The following PHRF1 variants were observed in gnomAD, a reference collection of about 807,000 sequenced individuals.
PHRF1 encodes PHD and RING finger domain-containing protein 1.
Under a neutral mutation model 128.9 loss-of-function variants are expected in PHRF1, and 53 were observed. The ratio of observed to expected loss-of-function variants is 0.41; its 90% CI spans 0.33 to 0.52. The LOEUF is 0.52. Among genes scored for constraint, PHRF1 ranks in the 20% least tolerant of loss-of-function variants. The pLI is 0.21. For synonymous variants in PHRF1, 1,178 were observed against 980.6 expected, an observed-to-expected ratio of 1.20 and a Z score of -3.76; for missense variants, 2,503 against 2,284.5, an observed-to-expected ratio of 1.10 and a Z score of -1.95.
In PHRF1 at chr11:597,646, AGGGGC is replaced by A; in HGVS notation, c.894+78_894+82del. The A allele has an allele frequency of 7.6e-6, 5 of 653,926 alleles. No homozygotes were observed. Among genetic ancestry groups the A allele is most frequent in the South Asian group, 3.2e-5 (2 of 62,174 alleles). The allele number at this position is 653,926 out of a possible 1,614,324, so 40.5% of individuals were successfully genotyped here. On this transcript the variant is annotated intron_variant, in intron 8 of 17. Coordinates refer to ENST00000264555, the MANE Select transcript of PHRF1 (RefSeq NM_001286581.2). This position sits in a 1 kb window ranked among gnomAD's most constrained non-coding sequence, Gnocchi z 6.5. ...GATCTCGGCAGTCTGGGTGGGTGGGAGGGGCGTCGTCGGCACTGTGGGGTCCGCCC... is the reference window on the plus strand; with the variant it reads ...GATCTCGGCAGTCTGGGTGGGTGGGAGTCGTCGGCACTGTGGGGTCCGCCC...
intron 5 of PHRF1, among the ~76,000 whole-genome samples, chr11:592,195 G>A (rs1855011167): frequency 1.3e-5 from 2 of 151,436 alleles, no homozygotes; most frequent in African/African-American, 2.4e-5. Flanking sequence ...GATTACAGGC[G>A]TGAGCCAACG....
At chr11:583,323 C>T (rs893233148) in intron 3 of PHRF1, among the ~76,000 whole-genome samples, 7 of 151,908 alleles carry the variant, frequency 4.6e-5, no homozygotes, top group Admixed American at 1.3e-4. Flanking sequence ...GGCAACAGAG[C>T]GAGACTCTGT....
Position 607,870 on chromosome 11 carries a change from A to T in PHRF1, c.2414A>T (p.Asp805Val), listed in dbSNP as rs1337146063. The change falls in exon 14 of 18, where the codon GAT becomes GTT. Residue 805 changes from aspartate (D) to valine (V), a missense_variant. Asp to Val is a radical substitution (Grantham distance 152, BLOSUM62 -3). Coordinates refer to ENST00000264555, the MANE Select transcript of PHRF1 (RefSeq NM_001286581.2). ...TGTAACACGTTCCGGCCTGTGGACG[A>T]TAAGGAGCAGAGGAAGGAGAACCCC... ...GFCNTFRPVD[D>V]KEQRKENPSP... 6.2e-7 allele frequency: 1 copy of T among 1,612,664 alleles called. No homozygotes were observed. The highest frequency in any genetic ancestry group is 8.5e-7 in the Non-Finnish European group (1 of 1,179,886).
At chr11:585,837 C>G (rs1281191441) in intron 3 of PHRF1, among the ~76,000 whole-genome samples, 1 of 151,580 alleles carries the variant, frequency 6.6e-6, no homozygotes. Flanking sequence ...CCTGCCACCG[C>G]GTCCAGCTAA....
intron 1 of PHRF1, among the ~76,000 whole-genome samples, chr11:578,432 T>G (rs1854013210): frequency 1.3e-5 from 2 of 152,304 alleles, no homozygotes; most frequent in Admixed American, 6.5e-5. Context: ...CACAGGTGCA[T>G]GGACTCGCAA....
chr11:597,425 C>G lies in PHRF1; in HGVS notation c.749C>G (p.Ser250Cys). 21 of 1,613,048 alleles carry G rather than the reference C, an allele frequency of 1.3e-5. No homozygotes were observed. Among genetic ancestry groups the G allele is most frequent in the Non-Finnish European group, 1.8e-5 (21 of 1,179,626 alleles). ...DAGPVSEEEVSLLLADVVPTT... is the reference protein window; with the variant it reads ...DAGPVSEEEVCLLLADVVPTT... ...GGTCCCGTGAGTGAGGAGGAGGTCTCCCTGCTCTTGGCTGATGTGGTGCCC... is the reference window on the plus strand; with the variant it reads ...GGTCCCGTGAGTGAGGAGGAGGTCTGCCTGCTCTTGGCTGATGTGGTGCCC... The change falls in exon 8 of 18, where the codon TCC becomes TGC. Residue 250 changes from serine (S) to cysteine (C), a missense_variant. Physicochemically the swap from Ser to Cys is moderately radical, Grantham distance 112 (BLOSUM62 -1). Transcript: ENST00000264555. This position sits in a 1 kb window ranked among gnomAD's most constrained non-coding sequence, Gnocchi z 6.5.
intron 3 of PHRF1, 24 bp from the exon 4 acceptor site, chr11:587,235 C>T: frequency 6.2e-7 from 1 of 1,609,794 alleles, no homozygotes; most frequent in Non-Finnish European, 8.5e-7. Flanking sequence ...CCTGCTTGCA[C>T]CAGCTGGCAT....
rs1177502302 is a variant in PHRF1, at chr11:608,053, A to G, written c.2597A>G (p.Asn866Ser). 2 of 1,611,356 alleles carry G rather than the reference A, an allele frequency of 1.2e-6. No individual in the cohort carries two copies. Among genetic ancestry groups the G allele is most frequent in the Non-Finnish European group, 1.7e-6 (2 of 1,179,840 alleles). Reference protein sequence around the residue: ...PSEITRTISINSPKAQTVQAV... With the variant: ...PSEITRTISISSPKAQTVQAV... ...GAGATCACACGAACCATCTCCATCA[A>G]CAGCCCGAAGGCCCAGACGGTGCAG... is the stretch of plus-strand genomic sequence containing the variant. The change falls in exon 14 of 18, where the codon AAC becomes AGC. Residue 866 changes from asparagine to serine, a missense_variant. By Grantham distance (46) the Asn-to-Ser change is conservative. Transcript: ENST00000264555.
intron 9 of PHRF1, among the ~76,000 whole-genome samples, chr11:600,079 A>G (rs1160545091): frequency 6.6e-6 from 1 of 151,788 alleles, no homozygotes; most frequent in African/African-American, 2.4e-5. Context: ...AGTCTCAAGC[A>G]GTCCACCTGC....
At chr11:599,836 G>A (rs937710399) in intron 9 of PHRF1, among the ~76,000 whole-genome samples, 13 of 152,036 alleles carry the variant, frequency 8.6e-5, no homozygotes, top group African/African-American at 2.7e-4. Flanking sequence ...GGGTCTCGGC[G>A]TCTGTGGGTC....
intron 6 of PHRF1, among the ~76,000 whole-genome samples, chr11:595,382 T>C (rs1405087591): frequency 6.6e-6 from 1 of 152,244 alleles, no homozygotes; most frequent in Non-Finnish European, 1.5e-5. Context: ...TTTTTTTCTT[T>C]TTTAAGTTAC....
At chr11:579,882 G>A (rs575724784) in intron 1 of PHRF1, among the ~76,000 whole-genome samples, 1 of 152,328 alleles carries the variant, frequency 6.6e-6, no homozygotes, top group South Asian at 2.1e-4. Flanking sequence ...CAGATGGGAA[G>A]TGAGGCCGTC....
chr11:612,070 T>A lies in PHRF1; in HGVS notation c.*293T>A, dbSNP rs546420370. 4.4e-6 allele frequency: 2 copies of A among 454,964 alleles called. No individual in the cohort carries two copies. Among genetic ancestry groups the A allele is most frequent in the South Asian group, 3.5e-5 (1 of 28,676 alleles). The allele number at this position is 454,964 out of a possible 1,614,324, so 28.2% of individuals were successfully genotyped here. On this transcript the variant is annotated 3_prime_UTR_variant, in exon 18 of 18. Coordinates refer to ENST00000264555, the MANE Select transcript of PHRF1 (RefSeq NM_001286581.2). ...GGATTATCTTTAGAAACCTCTTGATTGACTTACTACTTGGAAGATAAAGCA... is the reference window on the plus strand; with the variant it reads ...GGATTATCTTTAGAAACCTCTTGATAGACTTACTACTTGGAAGATAAAGCA...
chr11:608,414 G>A lies in PHRF1; in HGVS notation c.2958G>A (p.Glu986=), dbSNP rs1344161223. 6.2e-7 allele frequency: 1 copy of A among 1,611,612 alleles called. No individual in the cohort carries two copies. The highest frequency in any genetic ancestry group is 1.7e-5 in the Admixed American group (1 of 59,860). The stretch of plus-strand genomic sequence containing the variant: ...AGGCTGCCACCCACAGAGTCGTGGA[G>A]CTCAGGCCCCCTTCCCGGTCCCGCT... The part of the protein sequence containing the change: ...VLQAATHRVV[E]LRPPSRSRST... Residue 986 remains glutamate, a synonymous_variant, in exon 14 of 18, where the codon GAG becomes GAA. Transcript: ENST00000264555.
chr11:596,916 C>A lies in PHRF1; in HGVS notation c.621-7C>A, dbSNP rs1238300286. On this transcript the variant is annotated splice_polypyrimidine_tract_variant and splice_region_variant and intron_variant, in intron 6 of 17. Transcript: ENST00000264555. ...CCCGGATGCTTTGGCCCTGCTCTCTCCTGTAGGTACCACATGGAATGCTTG... is the reference window on the plus strand; with the variant it reads ...CCCGGATGCTTTGGCCCTGCTCTCTACTGTAGGTACCACATGGAATGCTTG... 2 of 1,613,346 alleles carry A rather than the reference C, an allele frequency of 1.2e-6. No homozygotes were observed. The highest frequency in any genetic ancestry group is 1.3e-5 in the African/African-American group (1 of 74,904).
chr11:586,547 C>T (rs890074096), intron 3 of PHRF1, among the ~76,000 whole-genome samples: 9 of 152,246 alleles, frequency 5.9e-5, no homozygotes, highest in African/African-American at 2.2e-4. Context: ...ACCGAGTCTG[C>T]TCCTCTTCCC....
rs770003840 is a variant in PHRF1, at chr11:607,334, G to C, written c.1878G>C (p.Gln626His). 2 of 1,612,728 alleles carry C rather than the reference G, an allele frequency of 1.2e-6. No homozygotes were observed. Among genetic ancestry groups the C allele is most frequent in the South Asian group, 1.1e-5 (1 of 91,088 alleles). The change falls in exon 14 of 18, where the codon CAG becomes CAC. Residue 626 changes from glutamine to histidine, a missense_variant. Transcript: ENST00000264555. Reference protein sequence around the residue: ...LSNGSVPGFRQSHSPWFNGTN... With the variant: ...LSNGSVPGFRHSHSPWFNGTN... ...ATGGGAGTGTGCCTGGCTTCAGACAGAGCCACAGCCCCTGGTTCAACGGCA... is the reference window on the plus strand; with the variant it reads ...ATGGGAGTGTGCCTGGCTTCAGACACAGCCACAGCCCCTGGTTCAACGGCA...
At chr11:606,222 T>A (rs891376203) in intron 12 of PHRF1, among the ~76,000 whole-genome samples, 2 of 152,298 alleles carry the variant, frequency 1.3e-5, no homozygotes, top group African/African-American at 4.8e-5. Context: ...CTGGTTTCCC[T>A]GGGGCCAGAG....
intron 3 of PHRF1, among the ~76,000 whole-genome samples, chr11:586,844 G>A (rs1217674476): frequency 1.3e-5 from 2 of 152,092 alleles, no homozygotes; most frequent in Non-Finnish European, 2.9e-5. Context: ...TTGAGAAGGG[G>A]GCGTTGGAAA....
Sources: allele counts gnomAD v4.1 joint callset (sites outside exome capture counted in the v4.1 genomes callset), GRCh38; gene constraint gnomAD v4.1.1; non-coding constraint Gnocchi (gnomAD v3.1); transcripts MANE v1.5; gene names NCBI Gene and HGNC (gene_info 2026-07-23, HGNC 2026-07-21).